The following COX7A2L variants were observed in gnomAD, a reference collection of about 807,000 sequenced individuals.
COX7A2L encodes the protein cytochrome c oxidase subunit 7A2-like, mitochondrial.
Under a neutral mutation model 14.2 loss-of-function variants are expected in COX7A2L, and 18 were observed. That is an observed-to-expected ratio of 1.27 (90% confidence interval 0.88 to 1.88). COX7A2L has a LOEUF of 1.88. Among genes scored for constraint, COX7A2L ranks in the 40% most tolerant of loss-of-function variants. The pLI is 0.00. For synonymous variants in COX7A2L, 65 were observed against 57.4 expected, an observed-to-expected ratio of 1.13 and a Z score of -0.60; for missense variants, 179 against 138.8, an observed-to-expected ratio of 1.29 and a Z score of -1.46.
Position 42,342,537 on chromosome 2 carries a change from G to A in COX7A2L, c.193-8668C>T, listed in dbSNP as rs574661829. Among the ~76,000 whole-genome samples the A allele has an allele frequency of 2.0e-5, 3 of 152,104 alleles. No homozygotes were observed. The highest frequency in any genetic ancestry group is 4.4e-5 in the Non-Finnish European group (3 of 68,022). On this transcript the variant is annotated intron_variant, in intron 2 of 2. Transcript: ENST00000468711. This position sits in a 1 kb window ranked among gnomAD's most constrained non-coding sequence, Gnocchi z 4.9. ...CTAAAACCTTCTCTGCCAAAGGGGA[G>A]GCAACGCCACCATTTCTCACAGCCT...
In COX7A2L at chr2:42,349,697, T is replaced by C. The variant is rs1217521509; in HGVS notation, c.*1522A>G. ...CCTGGGGAAATCTGAAAGTAAACTA[T>C]GTATTAGATGGTAGTATTGTTATAA... On this transcript the variant is annotated 3_prime_UTR_variant, in exon 3 of 3. Coordinates refer to ENST00000234301, the MANE Select transcript of COX7A2L (RefSeq NM_004718.4). The C allele has an allele frequency of 6.6e-6, 1 of 152,214 alleles. No individual in the cohort carries two copies. Among genetic ancestry groups the C allele is most frequent in the Non-Finnish European group, 1.5e-5 (1 of 68,030 alleles). 9.4% of individuals were successfully genotyped at this position (152,214 alleles called of 1,614,324 possible).
upstream of COX7A2L, among the ~76,000 whole-genome samples, chr2:42,363,436 G>A (rs1276337033): frequency 6.6e-6 from 1 of 152,204 alleles, no homozygotes; most frequent in East Asian, 1.9e-4. Context: ...CTAACTTTTA[G>A]CAGCACTAAG....
rs1286529305 is a variant in COX7A2L at position 42,338,717 on chromosome 2, G to C, written c.193-4848C>G. On this transcript the variant is annotated intron_variant, in intron 2 of 2. Coordinates refer to the COX7A2L transcript ENST00000468711. This position sits in a 1 kb window ranked among gnomAD's most constrained non-coding sequence, Gnocchi z 4.4. ...TCTGACAGCAGGACTCTAACCACTGGCTACGGTGGAAAAGGCCTCAGGAAA... is the reference window on the plus strand; with the variant it reads ...TCTGACAGCAGGACTCTAACCACTGCCTACGGTGGAAAAGGCCTCAGGAAA... 1.3e-5 allele frequency among the ~76,000 whole-genome samples: 2 copies of C among 152,178 alleles called. No individual in the cohort carries two copies. Among genetic ancestry groups the C allele is most frequent in the East Asian group, 1.9e-4 (1 of 5,192 alleles).
downstream of COX7A2L, chr2:42,349,261 T>C (rs566713005): frequency 5.9e-5 from 9 of 152,342 alleles, no homozygotes; most frequent in African/African-American, 2.2e-4. Flanking sequence ...TTCGATTGAA[T>C]ACTATTCAGA....
chr2:42,343,916 C>A (rs1448748326), intron 2 of COX7A2L, among the ~76,000 whole-genome samples: 1 of 152,196 alleles, frequency 6.6e-6, no homozygotes, highest in Non-Finnish European at 1.5e-5. Flanking sequence ...CCAACAGCTT[C>A]ACAGCAAAGT....
Position 42,342,275 on chromosome 2 carries a change from T to C in COX7A2L, c.193-8406A>G, listed in dbSNP as rs1670417041. 6.6e-6 allele frequency among the ~76,000 whole-genome samples: 1 copy of C among 152,066 alleles called. No homozygotes were observed. Among genetic ancestry groups the C allele is most frequent in the Admixed American group, 6.5e-5 (1 of 15,272 alleles). On this transcript the variant is annotated intron_variant, in intron 2 of 2. Coordinates refer to the COX7A2L transcript ENST00000468711. The surrounding 1 kb of genome is among the most constrained non-coding windows in gnomAD (Gnocchi z 4.9). ...AGAGCCTGCCTCTTCCACCCTAGCC[T>C]AGCTGCCCTTCCCTGCTCTCTCCCT...
chr2:42,347,441 T>A (rs1283903108), downstream of COX7A2L, among the ~76,000 whole-genome samples: 1 of 152,016 alleles, frequency 6.6e-6, no homozygotes, highest in Non-Finnish European at 1.5e-5. Context: ...AGCTAAAGAT[T>A]ATGCATTAAA....
rs775894079 is a variant in COX7A2L, at chr2:42,361,057, C to T, written c.72+33G>A. 3.7e-6 allele frequency: 6 copies of T among 1,610,380 alleles called. No homozygotes were observed. The South Asian group carries it at 6.6e-5, about 18-fold the overall frequency. ...GTCGCCGAGGCTAGGGCCGCCACTT[C>T]TCATGTCCGAGCTGGCCAGGCGCCA... On this transcript the variant is annotated intron_variant, in intron 1 of 2. Transcript: ENST00000234301.
intron 1 of COX7A2L, 126 bp downstream of exon 1, chr2:42,360,964 G>A (rs1293214724): frequency 2.1e-6 from 2 of 951,004 alleles, no homozygotes; most frequent in Admixed American, 2.0e-5. Flanking sequence ...CCCGGGAGGT[G>A]CAAGGAGAAC....
chr2:42,361,263 G>C, upstream of COX7A2L: 3 of 1,127,446 alleles, frequency 2.7e-6, no homozygotes, highest in Non-Finnish European at 3.8e-6. Context: ...GCAAGGACCC[G>C]GTGCTGGGAC....
chr2:42,339,034 G>A lies in COX7A2L; in HGVS notation c.193-5165C>T, dbSNP rs1670346014. ...ACAGTCACCCGTGTTTGCACTGGAA[G>A]CCATGGGCAACGCAACAGATTGTGA... On this transcript the variant is annotated intron_variant, in intron 2 of 2. Coordinates refer to the COX7A2L transcript ENST00000468711. This position sits in a 1 kb window ranked among gnomAD's most constrained non-coding sequence, Gnocchi z 5.4. 6.6e-6 allele frequency among the ~76,000 whole-genome samples: 1 copy of A among 152,228 alleles called. No individual in the cohort carries two copies. Among genetic ancestry groups the A allele is most frequent in the South Asian group, 2.1e-4 (1 of 4,832 alleles).
intron 2 of COX7A2L, among the ~76,000 whole-genome samples, chr2:42,336,807 G>A (rs1261825059): frequency 7.3e-6 from 1 of 136,910 alleles, no homozygotes; most frequent in East Asian, 2.5e-4. Context: ...CCTTCAAAGT[G>A]GCAGCCAGTG....
chr2:42,360,453 C>T (rs145625664), intron 1 of COX7A2L, among the ~76,000 whole-genome samples: 21 of 152,320 alleles, frequency 1.4e-4, no homozygotes, highest in African/African-American at 4.8e-4. Context: ...GAGAGTCAAA[C>T]TCCAATTGGT....
At chr2:42,357,267 T>G (rs1218992945) in intron 1 of COX7A2L, among the ~76,000 whole-genome samples, 2 of 152,222 alleles carry the variant, frequency 1.3e-5, no homozygotes, top group Admixed American at 6.5e-5. Flanking sequence ...GATTTAGGAC[T>G]GGAGACCAGT....
chr2:42,360,969 G>A (rs1671012803), intron 1 of COX7A2L, 121 bp downstream of exon 1: 7 of 1,006,228 alleles, frequency 7.0e-6, no homozygotes, highest in South Asian at 2.7e-5. Flanking sequence ...GAGGTGCAAG[G>A]AGAACAGAGA....
rs1291859615 is a variant in COX7A2L at position 42,350,320 on chromosome 2, T to TA, written c.*898dup. The TA allele has an allele frequency of 2.0e-5, 3 of 152,162 alleles. No individual in the cohort carries two copies. The highest frequency in any genetic ancestry group is 4.8e-5 in the African/African-American group (2 of 41,432). The allele number at this position is 152,162 out of a possible 1,614,324, so 9.4% of individuals were successfully genotyped here. A position where few individuals can be genotyped will look rare whatever the true frequency, so the allele number is the denominator to read the frequency against. On this transcript the variant is annotated 3_prime_UTR_variant, in exon 3 of 3. Coordinates refer to ENST00000234301, the MANE Select transcript of COX7A2L (RefSeq NM_004718.4). ...TCACTAAGGGGCAGGCAGGTTTTTA[T>TA]AAAAAACCATGTGGTAATCATCAAT...
intron 2 of COX7A2L, among the ~76,000 whole-genome samples, chr2:42,341,437 C>T (rs1670402802): frequency 6.6e-6 from 1 of 152,172 alleles, no homozygotes; most frequent in Non-Finnish European, 1.5e-5. Flanking sequence ...CTGGGCTGGG[C>T]GGCCTACCTT....
Position 42,339,436 on chromosome 2 carries a change from C to A in COX7A2L, c.193-5567G>T, listed in dbSNP as rs765525074. ...GACTGCGGGGCAGCCTCCAAGGCCACAGGCGTTACTCCTGCCTCTACAGAG... is the reference window on the plus strand; with the variant it reads ...GACTGCGGGGCAGCCTCCAAGGCCAAAGGCGTTACTCCTGCCTCTACAGAG... On this transcript the variant is annotated intron_variant, in intron 2 of 2. Transcript: ENST00000468711. The surrounding 1 kb of genome is among the most constrained non-coding windows in gnomAD (Gnocchi z 5.4). Among the ~76,000 whole-genome samples the A allele has an allele frequency of 3.0e-4, 45 of 152,160 alleles. No individual in the cohort carries two copies. The highest frequency in any genetic ancestry group is 5.1e-4 in the Non-Finnish European group (35 of 68,030).
intron 1 of COX7A2L, among the ~76,000 whole-genome samples, chr2:42,367,161 T>C (rs1002630471): frequency 1.3e-5 from 2 of 152,218 alleles, no homozygotes; most frequent in Non-Finnish European, 2.9e-5. Flanking sequence ...CTGAAAGTCA[T>C]GGCCCTAAGA....
Sources: gnomAD v4.1 joint callset for allele counts (sites outside exome capture counted in the v4.1 genomes callset) on GRCh38, gnomAD v4.1.1 for gene constraint, Gnocchi (gnomAD v3.1) non-coding constraint, MANE v1.5 for transcripts, NCBI Gene and HGNC (gene_info 2026-07-23, HGNC 2026-07-21) for gene names.